The following HTR7 variants were observed in gnomAD, a reference collection of about 807,000 sequenced individuals.
The protein encoded by HTR7 is 5-hydroxytryptamine receptor 7, also known as 5-HT-7.
A neutral mutation model predicts 34.0 loss-of-function variants in HTR7; 16 were observed. The ratio of observed to expected loss-of-function variants is 0.47; its 90% CI spans 0.32 to 0.71. The LOEUF (loss-of-function observed/expected upper bound fraction) is 0.71. Ranked by LOEUF, HTR7 falls within the 30% of genes least tolerant of loss-of-function variation. The probability of loss-of-function intolerance (pLI) is 0.04; values close to 1 mark genes in which losing one functional copy is unlikely to be tolerated. For synonymous variants in HTR7, 265 were observed against 260.2 expected (o/e 1.02, Z -0.18); for missense variants, 504 against 625.5 (o/e 0.81, Z 2.07).
intron 1 of HTR7, among the ~76,000 whole-genome samples, chr10:90,816,498 T>A (rs1026182740): frequency 6.6e-5 from 10 of 152,198 alleles, no homozygotes; most frequent in African/African-American, 1.9e-4. Flanking sequence ...TTTTCTGCAG[T>A]GGGTCTCTAA....
chr10:90,811,277 C>T (rs1845805060), intron 1 of HTR7, among the ~76,000 whole-genome samples: 1 of 152,186 alleles, frequency 6.6e-6, no homozygotes, highest in Non-Finnish European at 1.5e-5. Context: ...TGGCTGCTGC[C>T]ACCCCAATAC....
At chr10:90,793,536 C>CAA (rs34846867) in intron 1 of HTR7, among the ~76,000 whole-genome samples, 20,452 of 132,636 alleles carry the variant, frequency 0.15, 1,537 homozygotes, top group Non-Finnish European at 0.18. Flanking sequence ...TAAGAAAGCT[C>CAA]AAAAAAAAAA....
At chr10:90,742,670 TC>T in intron 3 of HTR7, 142 bp from the exon 4 acceptor site, 1 of 552,594 alleles carries the variant, frequency 1.8e-6, no homozygotes. Flanking sequence ...TGAGTATCCT[TC>T]AAGGGAAAGA....
intron 1 of HTR7, among the ~76,000 whole-genome samples, chr10:90,815,073 ATTTTTTTTTTG>A (rs1269344934): frequency 4.3e-5 from 6 of 140,558 alleles, no homozygotes; most frequent in Non-Finnish European, 7.7e-5. Context: ...CAAAAGTTGG[ATTTTTTTTTTG>A]TTTTTTTTTT....
At chr10:90,828,084 G>A (rs1234093237) in intron 1 of HTR7, among the ~76,000 whole-genome samples, 2 of 142,204 alleles carry the variant, frequency 1.4e-5, no homozygotes, top group South Asian at 2.2e-4. Flanking sequence ...ACAAACACAC[G>A]GAAATTAAAT....
intron 1 of HTR7, among the ~76,000 whole-genome samples, chr10:90,843,088 G>A (rs563387319): frequency 6.6e-6 from 1 of 152,116 alleles, no homozygotes; most frequent in South Asian, 2.1e-4. Context: ...AGAATCAGAG[G>A]CACCATTCCC....
At position 90,785,192 on chromosome 10, in the gene HTR7, C is replaced by T. The variant is rs866255814; in HGVS notation, c.540-35598G>A. 2.0e-5 allele frequency among the ~76,000 whole-genome samples: 3 copies of T among 152,260 alleles called. 1 individual carries two copies. In the Middle Eastern group the frequency reaches 0.01, roughly 518 times the overall value. On this transcript the variant is annotated intron_variant, in intron 1 of 3. Transcript: ENST00000336152. Reference sequence around the variant, plus strand: ...TGTTCAGGTCAGCAATAAACCCAAACCCTGGTACAATGGTTGATATGACAT... The same window carrying T: ...TGTTCAGGTCAGCAATAAACCCAAATCCTGGTACAATGGTTGATATGACAT...
chr10:90,822,181 G>A (rs1209919229), intron 1 of HTR7, among the ~76,000 whole-genome samples: 1 of 152,186 alleles, frequency 6.6e-6, no homozygotes, highest in Non-Finnish European at 1.5e-5. Context: ...AAGATGGTAG[G>A]AAAGTTTGGA....
At chr10:90,851,821 C>G (rs1385675734) in intron 1 of HTR7, among the ~76,000 whole-genome samples, 2 of 152,020 alleles carry the variant, frequency 1.3e-5, no homozygotes, top group African/African-American at 4.8e-5. Context: ...ATACCGTTCT[C>G]CTGGTAGTGA....
intron 1 of HTR7, among the ~76,000 whole-genome samples, chr10:90,761,600 A>G (rs1057299609): frequency 1.3e-5 from 2 of 151,040 alleles, no homozygotes; most frequent in Non-Finnish European, 2.9e-5. Context: ...TAACACATCT[A>G]TTACCTCACA....
chr10:90,779,200 T>G (rs143378746), intron 1 of HTR7, among the ~76,000 whole-genome samples: 155 of 152,342 alleles, frequency 1.0e-3, no homozygotes, highest in Admixed American at 1.6e-3. Flanking sequence ...TTTAAAAGAT[T>G]TTTCCAGTTT....
At position 90,795,958 on chromosome 10, in the gene HTR7, G is replaced by C. The variant is rs537089747; in HGVS notation, c.540-46364C>G. On this transcript the variant is annotated intron_variant, in intron 1 of 3. Coordinates refer to ENST00000336152, the MANE Select transcript of HTR7 (RefSeq NM_019859.4). ...GTCTGGGTTATCATAAGGAGTTATA[G>C]AGAGCAAGGTTTTATCACGCAGATG... 2.1e-3 allele frequency among the ~76,000 whole-genome samples: 322 copies of C among 152,306 alleles called. 1 individual carries two copies. Among genetic ancestry groups the C allele is most frequent in the Middle Eastern group, 0.01 (3 of 294 alleles).
intron 1 of HTR7, among the ~76,000 whole-genome samples, chr10:90,757,445 C>T (rs2119703370): frequency 6.6e-6 from 1 of 152,290 alleles, no homozygotes; most frequent in East Asian, 1.9e-4. Flanking sequence ...CTGGTAAATC[C>T]TGAGCTTAGC....
rs1846619876 is a variant in HTR7, at chr10:90,857,829, G to C, written c.-158C>G. ...GCGCCTGGCTCTGTCTCGGAGCCCC[G>C]CACTCCCCGGACCCCCGGCCGCTGC... On this transcript the variant is annotated 5_prime_UTR_variant, in exon 1 of 4. Transcript: ENST00000336152. The surrounding 1 kb of genome is among the most constrained non-coding windows in gnomAD (Gnocchi z 6.5). 4 of 648,312 alleles carry C rather than the reference G, an allele frequency of 6.2e-6. No homozygotes were observed. The highest frequency in any genetic ancestry group is 8.8e-6 in the Non-Finnish European group (4 of 456,522). 40.2% of individuals were successfully genotyped at this position (648,312 alleles called of 1,614,324 possible).
intron 1 of HTR7, among the ~76,000 whole-genome samples, chr10:90,762,006 C>T (rs965255015): frequency 2.0e-5 from 3 of 152,104 alleles, no homozygotes; most frequent in Non-Finnish European, 2.9e-5. Flanking sequence ...TGTATATATA[C>T]CACATTTTCT....
chr10:90,827,308 G>A (rs1291876845), intron 1 of HTR7, among the ~76,000 whole-genome samples: 1 of 152,218 alleles, frequency 6.6e-6, no homozygotes, highest in Admixed American at 6.5e-5. Context: ...CACTTTGGGA[G>A]GCCAAGGGTG....
At chr10:90,830,953 C>T (rs1479326094) in intron 1 of HTR7, among the ~76,000 whole-genome samples, 1 of 152,194 alleles carries the variant, frequency 6.6e-6, no homozygotes, top group African/African-American at 2.4e-5. Context: ...GAGGTCAGTC[C>T]GGTGCACCTT....
chr10:90,854,635 T>G (rs1281493784), intron 1 of HTR7, among the ~76,000 whole-genome samples: 1 of 152,210 alleles, frequency 6.6e-6, no homozygotes, highest in Non-Finnish European at 1.5e-5. Context: ...AATCATTTTC[T>G]GAAAAAGACG....
At chr10:90,802,300 A>C (rs1444814503) in intron 1 of HTR7, among the ~76,000 whole-genome samples, 1 of 152,202 alleles carries the variant, frequency 6.6e-6, no homozygotes, top group Non-Finnish European at 1.5e-5. Flanking sequence ...ATAATATTTT[A>C]AGTAACACAC....
Sources: gnomAD v4.1 joint callset for allele counts (sites outside exome capture counted in the v4.1 genomes callset) on GRCh38, gnomAD v4.1.1 for gene constraint, Gnocchi (gnomAD v3.1) non-coding constraint, MANE v1.5 for transcripts, NCBI Gene and HGNC (gene_info 2026-07-23, HGNC 2026-07-21) for gene names.